Variants in ITGA9 observed in about 807,000 individuals in gnomAD.
ITGA9 encodes integrin alpha-9.
A neutral mutation model predicts 127.8 loss-of-function variants in ITGA9; 56 were observed. That is an observed-to-expected ratio of 0.44 (90% CI 0.35 to 0.55). ITGA9 has a LOEUF of 0.55. Among genes scored for constraint, ITGA9 ranks in the 20% least tolerant of loss-of-function variants. ITGA9 has a pLI of 0.00. For missense variants in ITGA9, 1,196 were observed against 1,347.1 expected (o/e 0.89, Z 1.76); for synonymous variants, 508 against 514.5 (o/e 0.99, Z 0.17).
At chr3:37,783,199 A>G (rs1446245990) in intron 25 of ITGA9, among the ~76,000 whole-genome samples, 1 of 151,978 alleles carries the variant, frequency 6.6e-6, no homozygotes, top group East Asian at 1.9e-4. Context: ...TTCAGTCTGT[A>G]AGGCTTTTCT....
chr3:37,460,037 C>T (rs1007230820), intron 1 of ITGA9, among the ~76,000 whole-genome samples: 2 of 152,068 alleles, frequency 1.3e-5, no homozygotes, highest in Non-Finnish European at 2.9e-5. Context: ...CAGAAGTGTC[C>T]CAGGAAAGAT....
intron 15 of ITGA9, among the ~76,000 whole-genome samples, chr3:37,574,239 G>A (rs1699630943): frequency 1.3e-5 from 2 of 152,134 alleles, no homozygotes; most frequent in Admixed American, 6.5e-5. Context: ...TGTTAATAGT[G>A]TATTTCCTTT....
In ITGA9 at chr3:37,524,534, C is replaced by T. The variant is rs185003064; in HGVS notation, c.1327+923C>T. Among the ~76,000 whole-genome samples, 14 of 152,146 alleles carry T rather than the reference C, an allele frequency of 9.2e-5. No individual in the cohort carries two copies. In the East Asian group the frequency reaches 2.7e-3, roughly 29 times the overall value. On this transcript the variant is annotated intron_variant, in intron 12 of 27. Transcript: ENST00000264741. ...TTGAAGCTTTTGTCCCAAGAAAGAC[C>T]CTTGTGGGCCTTTTTAAGTTTGAGA...
At chr3:37,659,997 C>CACAA (rs1700517750) in intron 17 of ITGA9, among the ~76,000 whole-genome samples, 1 of 151,382 alleles carries the variant, frequency 6.6e-6, no homozygotes, top group African/African-American at 2.4e-5. Flanking sequence ...CACACACACA[C>CACAA]ACACACGCAC....
chr3:37,676,792 A>G (rs1700686508), intron 17 of ITGA9, among the ~76,000 whole-genome samples: 2 of 152,196 alleles, frequency 1.3e-5, no homozygotes, highest in South Asian at 4.1e-4. Context: ...TGCCCTACAC[A>G]TATCTACTTG....
intron 25 of ITGA9, among the ~76,000 whole-genome samples, chr3:37,781,336 T>C (rs1696974051): frequency 1.3e-5 from 2 of 152,236 alleles, no homozygotes; most frequent in Non-Finnish European, 2.9e-5. Context: ...TGTTCAACTC[T>C]GCCATTGTAT....
intron 2 of ITGA9, among the ~76,000 whole-genome samples, chr3:37,473,118 G>A (rs1450078154): frequency 9.0e-6 from 1 of 110,862 alleles, no homozygotes; most frequent in African/African-American, 3.7e-5. Context: ...CAGCCTGGAC[G>A]ACAGAGAGAG....
At chr3:37,636,187 G>A (rs1700276780) in intron 16 of ITGA9, among the ~76,000 whole-genome samples, 1 of 152,156 alleles carries the variant, frequency 6.6e-6, no homozygotes, top group Non-Finnish European at 1.5e-5. Flanking sequence ...TCTGGTTCTA[G>A]ATCCCTGAGG....
intron 18 of ITGA9, among the ~76,000 whole-genome samples, chr3:37,704,479 G>C (rs555391437): frequency 6.6e-6 from 1 of 152,322 alleles, no homozygotes; most frequent in Non-Finnish European, 1.5e-5. Flanking sequence ...GGTGGAAATA[G>C]CATGGTCTAT....
rs149681309 is a variant in ITGA9, at chr3:37,768,981, C to T, written c.2542-8411C>T. ...TCCCTATCCTTGGAACCCCAGCCAG[C>T]TGATGGGGTTCGTACTGGTAAAATG... On this transcript the variant is annotated intron_variant, in intron 23 of 27. Transcript: ENST00000264741. 2.1e-3 allele frequency among the ~76,000 whole-genome samples: 316 copies of T among 152,234 alleles called. 3 individuals are homozygous for T. The highest frequency in any genetic ancestry group is 7.4e-3 in the African/African-American group (307 of 41,556).
At chr3:37,527,998 G>A (rs182387071) in intron 13 of ITGA9, among the ~76,000 whole-genome samples, 1 of 152,144 alleles carries the variant, frequency 6.6e-6, no homozygotes, top group Admixed American at 6.5e-5. Context: ...TGTTGATCAG[G>A]CTGGTCTCGA....
intron 4 of ITGA9, among the ~76,000 whole-genome samples, chr3:37,493,453 C>T (rs1183692343): frequency 6.6e-6 from 1 of 152,246 alleles, no homozygotes; most frequent in Non-Finnish European, 1.5e-5. Context: ...CCAGCAATGT[C>T]AGCCTCACAT....
intron 15 of ITGA9, among the ~76,000 whole-genome samples, chr3:37,556,891 C>T (rs743395): frequency 0.35 from 52,671 of 151,994 alleles, 9,627 homozygotes; most frequent in Middle Eastern, 0.62. Context: ...CTTTATGTGA[C>T]CTAGTGCAGC....
chr3:37,617,689 T>C (rs1700088333), intron 15 of ITGA9, among the ~76,000 whole-genome samples: 1 of 152,200 alleles, frequency 6.6e-6, no homozygotes, highest in African/African-American at 2.4e-5. Flanking sequence ...TCTAAACTTC[T>C]CTTCTTGCTT....
intron 26 of ITGA9, among the ~76,000 whole-genome samples, chr3:37,802,310 T>C (rs1205861378): frequency 6.6e-6 from 1 of 152,196 alleles, no homozygotes; most frequent in South Asian, 2.1e-4. Flanking sequence ...AAATAAGCAG[T>C]GCTAGGCATT....
At chr3:37,779,770 A>G (rs1010694827) in intron 24 of ITGA9, 132 bp from the exon 25 acceptor site, 2 of 865,660 alleles carry the variant, frequency 2.3e-6, no homozygotes, top group Non-Finnish European at 3.8e-6. Flanking sequence ...GAACGATTGC[A>G]TCTTCTTGTG....
intron 11 of ITGA9, among the ~76,000 whole-genome samples, chr3:37,520,504 G>T: frequency 6.6e-6 from 1 of 152,232 alleles, no homozygotes. Context: ...ACTTGTTATC[G>T]TAACCACCAT....
Position 37,684,009 on chromosome 3 carries a change from G to A in ITGA9, c.2061G>A (p.Trp687Ter), listed in dbSNP as rs770615576. The A allele has an allele frequency of 1.2e-6, 2 of 1,613,394 alleles. No individual in the cohort carries two copies. The highest frequency in any genetic ancestry group is 2.2e-5 in the South Asian group (2 of 91,046). ...GGGAGCTCTTCTTCATCAACATGTG[G>A]CAGAAGGTAAGGAGGGCATCCCTGT... ...VSRELFFINM[W>*]QKEEMGISCE... The change falls in exon 18 of 28, where the codon TGG becomes TGA. Residue 687 changes from tryptophan to a stop codon, truncating the protein, a stop_gained. Transcript: ENST00000264741. LOFTEE classifies it high-confidence loss of function.
At chr3:37,644,546 T>C (rs1453579455) in intron 16 of ITGA9, among the ~76,000 whole-genome samples, 1 of 152,190 alleles carries the variant, frequency 6.6e-6, no homozygotes, top group South Asian at 2.1e-4. Flanking sequence ...AATATATCAA[T>C]GTGGCAAAAC....
Sources: allele counts gnomAD v4.1 joint callset (sites outside exome capture counted in the v4.1 genomes callset), GRCh38; gene constraint gnomAD v4.1.1; transcripts MANE v1.5; gene names NCBI Gene and HGNC (gene_info 2026-07-23, HGNC 2026-07-21).